Variants in MCF2 observed in about 807,000 individuals in gnomAD.
MCF2 encodes the protein proto-oncogene DBL.
Under a neutral mutation model 82.5 loss-of-function variants are expected in MCF2, and 44 were observed. The observed-to-expected ratio is 0.53, with a 90% confidence interval of 0.42 to 0.69. The LOEUF is 0.69. MCF2 is among the 30% of genes least tolerant of loss of function. The pLI is 0.00. For missense variants in MCF2, 623 were observed against 663.1 expected (o/e 0.94, Z 0.66); for synonymous variants, 217 against 224.9 (o/e 0.96, Z 0.32).
chrX:139,649,656 G>A (rs1933925168), intron 2 of MCF2, among the ~76,000 whole-genome samples: 1 of 111,187 alleles, frequency 9.0e-6, no homozygotes, highest in Non-Finnish European at 1.9e-5. Context: ...TTTATGAGAA[G>A]AGATCAAAAG....
intron 1 of MCF2, among the ~76,000 whole-genome samples, chrX:139,678,589 T>G (rs185666005): frequency 8.9e-6 from 1 of 111,994 alleles, no homozygotes; most frequent in East Asian, 2.8e-4. Context: ...GAATTAGTAA[T>G]TAATATCAAG....
At chrX:139,591,791 T>G (rs146129418) in intron 19 of MCF2, among the ~76,000 whole-genome samples, 1 of 109,091 alleles carries the variant, frequency 9.2e-6, no homozygotes, top group Non-Finnish European at 1.9e-5. Flanking sequence ...TTGGGGACAA[T>G]GCTCAGTACC....
intron 1 of MCF2, among the ~76,000 whole-genome samples, chrX:139,668,880 T>C (rs1934602831): frequency 9.0e-6 from 1 of 110,957 alleles, no homozygotes; most frequent in Admixed American, 9.7e-5. Context: ...TATATGTATA[T>C]ATATAAAAAT....
chrX:139,609,080 A>T (rs1369431386), intron 11 of MCF2, among the ~76,000 whole-genome samples: 1 of 112,604 alleles, frequency 8.9e-6, no homozygotes, highest in African/African-American at 3.2e-5. Flanking sequence ...CCCATTTTAT[A>T]TATGGAAACT....
chrX:139,613,405 T>G (rs987948444), intron 10 of MCF2, 142 bp from the exon 14 acceptor site: 1 of 431,285 alleles, frequency 2.3e-6, no homozygotes, highest in African/African-American at 2.5e-5. Context: ...CAACCCAAGG[T>G]GTACCACTTT....
intron 1 of MCF2, among the ~76,000 whole-genome samples, chrX:139,636,133 G>C (rs1202134421): frequency 1.8e-5 from 2 of 111,470 alleles, no homozygotes; most frequent in Non-Finnish European, 3.8e-5. Flanking sequence ...GGTTTGGGTA[G>C]AAAACTTTAG....
chrX:139,632,385 T>C (rs1932970108), exon 2 of MCF2: 2 of 1,199,207 alleles, frequency 1.7e-6, no homozygotes, highest in Non-Finnish European at 2.3e-6. Flanking sequence ...CCAATGTCTG[T>C]GAACGTTCGT....
chrX:139,624,041 C>A (rs1932603819), intron 6 of MCF2, among the ~76,000 whole-genome samples: 1 of 111,380 alleles, frequency 9.0e-6, no homozygotes, highest in Non-Finnish European at 1.9e-5. Context: ...AGTAGCTTTA[C>A]AGTGGAGAAA....
chrX:139,626,892 T>A, intron 4 of MCF2, 136 bp from the exon 8 acceptor site: 1 of 518,227 alleles, frequency 1.9e-6, no homozygotes, highest in Non-Finnish European at 3.0e-6. Context: ...CATAGCTCTC[T>A]GAAAATTCAC....
At chrX:139,603,670 C>A (rs964013585) in intron 15 of MCF2, among the ~76,000 whole-genome samples, 10 of 110,605 alleles carry the variant, frequency 9.0e-5, no homozygotes, top group African/African-American at 3.3e-4. Context: ...CCCGTCTCTA[C>A]TAAAAATACA....
intron 1 of MCF2, among the ~76,000 whole-genome samples, chrX:139,637,900 G>C (rs941124925): frequency 6.3e-5 from 7 of 111,673 alleles, no homozygotes; most frequent in Non-Finnish European, 1.1e-4. Flanking sequence ...GAGAGTCAGA[G>C]AAGAAGATGT....
At position 139,623,715 on chromosome X, in the gene MCF2, G is replaced by A. The variant is rs1021856472; in HGVS notation, c.687+2478C>T. Among the ~76,000 whole-genome samples, 5 of 111,373 alleles carry A rather than the reference G, an allele frequency of 4.5e-5. No homozygotes were observed. In the South Asian group the frequency reaches 1.9e-3, roughly 42 times the overall value. ...ATACCCATGTAACAAACGTGCATGT[G>A]TATGCCCTGAATCTAAAATAAAAGT... On this transcript the variant is annotated intron_variant, in intron 6 of 24. Coordinates refer to ENST00000370576, the Ensembl canonical transcript of MCF2.
chrX:139,681,349 A>G (rs1328059533), intron 1 of MCF2, among the ~76,000 whole-genome samples: 1 of 111,221 alleles, frequency 9.0e-6, no homozygotes, highest in African/African-American at 3.3e-5. Context: ...GGGCAGCTCA[A>G]CCTCTACCAC....
chrX:139,605,919 T>C (rs1930968238), intron 12 of MCF2, 140 bp from the exon 17 acceptor site: 2 of 384,155 alleles, frequency 5.2e-6, no homozygotes, highest in Non-Finnish European at 4.3e-6. Flanking sequence ...CATCAAAATA[T>C]GAAACTACTT....
chrX:139,629,412 G>A (rs935745575), intron 4 of MCF2, among the ~76,000 whole-genome samples: 5 of 111,920 alleles, frequency 4.5e-5, no homozygotes, highest in Middle Eastern at 4.6e-3. Context: ...GTACATGACC[G>A]CACATAGTAA....
chrX:139,698,257 C>T (rs184406822), intron 1 of MCF2, among the ~76,000 whole-genome samples: 1 of 113,038 alleles, frequency 8.8e-6, no homozygotes, highest in African/African-American at 3.2e-5. Flanking sequence ...GAGCAAACAA[C>T]TACTTCTGTA....
At chrX:139,648,344 C>T (rs1199577944) in intron 2 of MCF2, among the ~76,000 whole-genome samples, 1 of 110,551 alleles carries the variant, frequency 9.0e-6, no homozygotes, top group Non-Finnish European at 1.9e-5. Context: ...TACACTCCAG[C>T]CTGGACAACA....
intron 3 of MCF2, among the ~76,000 whole-genome samples, 181 bp downstream of exon 6, chrX:139,631,214 G>A (rs1242243698): frequency 9.0e-6 from 1 of 111,543 alleles, no homozygotes; most frequent in Non-Finnish European, 1.9e-5. Flanking sequence ...TCTAGATATT[G>A]CCTATGGAAG....
At chrX:139,674,825 AT>A (rs1272147124) in intron 1 of MCF2, among the ~76,000 whole-genome samples, 2 of 111,551 alleles carry the variant, frequency 1.8e-5, no homozygotes, top group Non-Finnish European at 3.8e-5. Flanking sequence ...CTTGAGGATT[AT>A]CTTTGTGGTG....
Sources: allele counts gnomAD v4.1 joint callset (sites outside exome capture counted in the v4.1 genomes callset), GRCh38; gene constraint gnomAD v4.1.1; transcripts MANE v1.5; gene names NCBI Gene and HGNC (gene_info 2026-07-23, HGNC 2026-07-21).